Variants in ARHGAP42 observed in about 807,000 individuals in gnomAD.
The protein encoded by ARHGAP42 is Rho GTPase activating protein 42, also known as rho GTPase-activating protein 42.
Under a neutral mutation model 125.0 loss-of-function variants are expected in ARHGAP42, and 63 were observed. That is an observed-to-expected ratio of 0.50 (90% CI 0.41 to 0.62). The LOEUF (loss-of-function observed/expected upper bound fraction) is 0.62. Ranked by LOEUF, ARHGAP42 falls within the 20% of genes least tolerant of loss-of-function variation. The probability of loss-of-function intolerance (pLI) is 0.00; values close to 1 mark genes in which losing one functional copy is unlikely to be tolerated. For missense variants in ARHGAP42, 766 were observed against 1,024.2 expected (o/e 0.75, Z 3.44); for synonymous variants, 339 against 351.0 (o/e 0.97, Z 0.38).
intron 3 of ARHGAP42, among the ~76,000 whole-genome samples, chr11:100,820,973 T>C (rs632290): frequency 6.6e-6 from 1 of 152,082 alleles, no homozygotes; most frequent in Admixed American, 6.6e-5. Context: ...TGTTTGTTTT[T>C]GTTTTCTTTT....
At chr11:100,837,358 T>G (rs1864813718) in intron 3 of ARHGAP42, among the ~76,000 whole-genome samples, 1 of 152,180 alleles carries the variant, frequency 6.6e-6, no homozygotes, top group Non-Finnish European at 1.5e-5. Flanking sequence ...TATACATATT[T>G]TTTTCTTGGC....
intron 2 of ARHGAP42, 144 bp downstream of exon 2, chr11:100,770,582 A>T: frequency 1.5e-6 from 1 of 665,978 alleles, no homozygotes; most frequent in South Asian, 3.0e-5. Context: ...TATGGAAGAA[A>T]TTTTTTCTTT....
chr11:100,965,801 A>T (rs1453885743), intron 17 of ARHGAP42, 25 bp downstream of exon 17: 1 of 1,513,164 alleles, frequency 6.6e-7, no homozygotes, highest in African/African-American at 1.4e-5. Context: ...TACATTGTTC[A>T]TTTAACTTAT....
At chr11:100,759,938 A>T (rs1269559224) in intron 1 of ARHGAP42, among the ~76,000 whole-genome samples, 1 of 152,250 alleles carries the variant, frequency 6.6e-6, no homozygotes, top group Non-Finnish European at 1.5e-5. Context: ...GGCACCCAAC[A>T]TATGGTATCT....
At chr11:100,839,866 A>G (rs1201976949) in intron 3 of ARHGAP42, 1 of 152,142 alleles carries the variant, frequency 6.6e-6, no homozygotes, top group East Asian at 1.9e-4. Flanking sequence ...GCTTTCAAAT[A>G]ATTGGTGATT....
intron 3 of ARHGAP42, among the ~76,000 whole-genome samples, chr11:100,825,088 A>G (rs1864484332): frequency 6.6e-6 from 1 of 152,200 alleles, no homozygotes; most frequent in South Asian, 2.1e-4. Flanking sequence ...TGTTAGAAAA[A>G]TTTTACAGCA....
intron 2 of ARHGAP42, among the ~76,000 whole-genome samples, chr11:100,779,759 C>T (rs114275764): frequency 0.027 from 4,164 of 151,744 alleles, 201 homozygotes; most frequent in African/African-American, 0.095. Context: ...GGTGCGGTGA[C>T]TCACATCTGT....
chr11:100,815,948 A>G (rs1278338440), intron 3 of ARHGAP42, among the ~76,000 whole-genome samples: 1 of 152,190 alleles, frequency 6.6e-6, no homozygotes, highest in African/African-American at 2.4e-5. Flanking sequence ...AATGTCCTCA[A>G]GATTCATTCA....
intron 3 of ARHGAP42, among the ~76,000 whole-genome samples, chr11:100,806,258 C>A (rs563013461): frequency 6.6e-6 from 1 of 152,122 alleles, no homozygotes; most frequent in East Asian, 1.9e-4. Context: ...TTTTAAATAT[C>A]GAAAGAATTA....
intron 4 of ARHGAP42, among the ~76,000 whole-genome samples, chr11:100,901,264 C>G (rs1051985266): frequency 6.6e-6 from 1 of 152,200 alleles, no homozygotes. Context: ...ATATTGCTGC[C>G]TGATCCTTCC....
rs186855818 is a variant in ARHGAP42, at chr11:100,712,806, A to G, written c.154+24974A>G. Among the ~76,000 whole-genome samples the G allele has an allele frequency of 1.5e-3, 227 of 152,210 alleles. 1 individual carries two copies. Among genetic ancestry groups the G allele is most frequent in the Middle Eastern group, 3.4e-3 (1 of 294 alleles). ...TACTCTTTAACTACATTTTTTTTCAATCCATGAACAGTACTCTGTAAATAA... is the reference window on the plus strand; with the variant it reads ...TACTCTTTAACTACATTTTTTTTCAGTCCATGAACAGTACTCTGTAAATAA... On this transcript the variant is annotated intron_variant, in intron 1 of 23. Transcript: ENST00000298815.
chr11:100,936,516 T>C (rs17095829), intron 8 of ARHGAP42, among the ~76,000 whole-genome samples, 184 bp downstream of exon 8: 22,663 of 152,148 alleles, frequency 0.15, 1,944 homozygotes, highest in East Asian at 0.25. Flanking sequence ...GATATCTAAG[T>C]TGGCATATTG....
chr11:100,974,554 G>A lies in ARHGAP42; in HGVS notation c.1806G>A (p.Gly602=). The change falls in exon 19 of 24, where the codon GGG becomes GGA. Residue 602 remains glycine, a synonymous_variant. Coordinates refer to ENST00000298815, the MANE Select transcript of ARHGAP42 (RefSeq NM_152432.4). ...CACGAGCAATCTGCCTCTCTACAGG[G>A]TCTAGGAAGCCCAGAGGGAGGTATA... ...RRTRAICLST[G]SRKPRGRYTP... 1.3e-6 allele frequency: 2 copies of A among 1,551,070 alleles called. No individual in the cohort carries two copies. The highest frequency in any genetic ancestry group is 1.7e-6 in the Non-Finnish European group (2 of 1,146,626).
chr11:100,687,602 C>G lies in ARHGAP42; in HGVS notation c.-77C>G, dbSNP rs1861106256. ...CCCGCGATCGCGCGACCCCAGCGCC[C>G]GCCGCGGCCGCCGGCTGCCCCCGCC... On this transcript the variant is annotated 5_prime_UTR_variant, in exon 1 of 24. Coordinates refer to ENST00000298815, the MANE Select transcript of ARHGAP42 (RefSeq NM_152432.4). 4 of 1,153,834 alleles carry G rather than the reference C, an allele frequency of 3.5e-6. No homozygotes were observed. The highest frequency in any genetic ancestry group is 4.6e-5 in the Admixed American group (1 of 21,682). 71.5% of individuals were successfully genotyped at this position (1,153,834 alleles called of 1,614,324 possible).
At chr11:100,885,573 T>A (rs558206527) in intron 4 of ARHGAP42, among the ~76,000 whole-genome samples, 40 of 152,334 alleles carry the variant, frequency 2.6e-4, no homozygotes, top group Non-Finnish European at 5.1e-4. Flanking sequence ...AAATTTGAAA[T>A]GGATTCTAAA....
intron 3 of ARHGAP42, among the ~76,000 whole-genome samples, chr11:100,851,764 C>G (rs117040633): frequency 6.6e-6 from 1 of 152,102 alleles, no homozygotes; most frequent in East Asian, 1.9e-4. Context: ...TTAAGCAATG[C>G]GTAATTACGT....
intron 14 of ARHGAP42, 86 bp from the exon 15 acceptor site, chr11:100,961,598 C>A: frequency 8.9e-7 from 1 of 1,120,450 alleles, no homozygotes; most frequent in Non-Finnish European, 1.3e-6. Context: ...CTCTTTTGAC[C>A]TACTTACGTT....
intron 3 of ARHGAP42, among the ~76,000 whole-genome samples, chr11:100,821,450 G>A (rs909699765): frequency 6.6e-6 from 1 of 151,900 alleles, no homozygotes; most frequent in Non-Finnish European, 1.5e-5. Flanking sequence ...GCTATTGGGG[G>A]CAGCCTGAGG....
At chr11:100,988,274 G>T (rs993553754) in intron 23 of ARHGAP42, among the ~76,000 whole-genome samples, 1 of 152,006 alleles carries the variant, frequency 6.6e-6, no homozygotes, top group Admixed American at 6.6e-5. Flanking sequence ...AACTTTAGAG[G>T]GCTGTGACAT....
Sources: gnomAD v4.1 joint callset for allele counts (sites outside exome capture counted in the v4.1 genomes callset) on GRCh38, gnomAD v4.1.1 for gene constraint, MANE v1.5 for transcripts, NCBI Gene and HGNC (gene_info 2026-07-23, HGNC 2026-07-21) for gene names.